Variants in SNTG2 observed in about 807,000 individuals in gnomAD.
SNTG2 encodes gamma-2-syntrophin.
SNTG2 carries 74 observed loss-of-function variants against 70.9 expected under a neutral mutation model. That is an observed-to-expected ratio of 1.04 (90% CI 0.86 to 1.27). The LOEUF (loss-of-function observed/expected upper bound fraction) is 1.27, where lower values mean the gene tolerates loss of function less well. Ranked by LOEUF, SNTG2 falls within the 50% of genes most tolerant of loss-of-function variation. The probability of loss-of-function intolerance (pLI) is 0.00; values close to 1 mark genes in which losing one functional copy is unlikely to be tolerated. For synonymous variants in SNTG2, 278 were observed against 273.8 expected (o/e 1.02, Z -0.15); for missense variants, 717 against 690.7 (o/e 1.04, Z -0.43).
chr2:1,201,064 G>T (rs1673246485), intron 8 of SNTG2, among the ~76,000 whole-genome samples: 2 of 151,814 alleles, frequency 1.3e-5, no homozygotes, highest in Admixed American at 1.3e-4. Context: ...TGAAAGGAAA[G>T]GAAATCAGTA....
chr2:983,027 C>T, intron 1 of SNTG2, among the ~76,000 whole-genome samples: 1 of 149,174 alleles, frequency 6.7e-6, no homozygotes, highest in South Asian at 2.2e-4. Context: ...GAGGTGATGT[C>T]AGGATGAAGA....
chr2:1,040,581 A>C (rs756069189), intron 1 of SNTG2, among the ~76,000 whole-genome samples: 8 of 152,222 alleles, frequency 5.3e-5, no homozygotes, highest in Non-Finnish European at 1.2e-4. Context: ...CGAAATCCAC[A>C]TTGATCTACC....
chr2:1,130,129 G>C (rs1433573995), intron 4 of SNTG2, among the ~76,000 whole-genome samples: 1 of 152,156 alleles, frequency 6.6e-6, no homozygotes, highest in South Asian at 2.1e-4. Context: ...TATGAGCAAT[G>C]AAAGTATTTC....
intron 1 of SNTG2, among the ~76,000 whole-genome samples, chr2:992,082 G>A (rs931911210): frequency 5.9e-5 from 9 of 152,050 alleles, no homozygotes; most frequent in South Asian, 2.1e-4. Flanking sequence ...TGAGGCATGC[G>A]AAGCAGATAA....
chr2:1,078,193 C>T (rs1180939337), intron 1 of SNTG2, among the ~76,000 whole-genome samples: 3 of 152,184 alleles, frequency 2.0e-5, no homozygotes, highest in African/African-American at 7.2e-5. Context: ...ATATGCCAGG[C>T]TGGGCTGTAG....
At position 1,183,847 on chromosome 2, in the gene SNTG2, A is replaced by T. The variant is rs184706397; in HGVS notation, c.591+10664A>T. ...TCAAAAGAGGAAAGAAGTAAGCATTAAAAAAAGAGTTTTTCCATGTATATC... is the reference window on the plus strand; with the variant it reads ...TCAAAAGAGGAAAGAAGTAAGCATTTAAAAAAGAGTTTTTCCATGTATATC... On this transcript the variant is annotated intron_variant, in intron 8 of 16. Coordinates refer to ENST00000308624, the MANE Select transcript of SNTG2 (RefSeq NM_018968.4). Among the ~76,000 whole-genome samples the T allele has an allele frequency of 1.9e-3, 294 of 152,312 alleles. 2 individuals carry two copies. Among genetic ancestry groups the T allele is most frequent in the Non-Finnish European group, 3.5e-3 (235 of 68,028 alleles).
At chr2:1,354,852 G>A (rs987854706) in intron 16 of SNTG2, among the ~76,000 whole-genome samples, 1 of 152,234 alleles carries the variant, frequency 6.6e-6, no homozygotes, top group Non-Finnish European at 1.5e-5. Context: ...CTTTACAGCA[G>A]GTTAAAATCT....
intron 2 of SNTG2, among the ~76,000 whole-genome samples, chr2:1,087,314 G>T (rs61469034): frequency 6.6e-6 from 1 of 152,220 alleles, no homozygotes; most frequent in East Asian, 1.9e-4. Context: ...AGAAGAGTTC[G>T]TGTAGCATGG....
intron 6 of SNTG2, chr2:1,161,626 T>C (rs1670283378): frequency 6.6e-6 from 1 of 152,236 alleles, no homozygotes; most frequent in Non-Finnish European, 1.5e-5. Context: ...ATACACCACA[T>C]ATATGCTTCA....
At chr2:1,163,017 C>T (rs1370853829) in intron 6 of SNTG2, among the ~76,000 whole-genome samples, 1 of 152,178 alleles carries the variant, frequency 6.6e-6, no homozygotes, top group Non-Finnish European at 1.5e-5. Flanking sequence ...CTATGGGGGC[C>T]CAGCCTGTGG....
intron 6 of SNTG2, among the ~76,000 whole-genome samples, chr2:1,154,161 G>A (rs866634443): frequency 4.6e-5 from 7 of 152,154 alleles, no homozygotes; most frequent in African/African-American, 1.7e-4. Context: ...GAAAGGGCGC[G>A]GGCGGGGAGA....
rs1330160854 is a variant in SNTG2, at chr2:1,111,722, TAGAG to T, written c.325+13316_325+13319del. 6.6e-5 allele frequency among the ~76,000 whole-genome samples: 10 copies of T among 152,366 alleles called. No individual in the cohort carries two copies. In the East Asian group the frequency reaches 1.7e-3, roughly 26 times the overall value. On this transcript the variant is annotated intron_variant, in intron 4 of 16. Transcript: ENST00000308624. The stretch of plus-strand genomic sequence containing the variant: ...TGATAAATAATCTCCCAAGGCCACT[TAGAG>T]AGACTCCCTGAGAAGAATCGTGTGT...
intron 6 of SNTG2, chr2:1,161,346 A>G (rs1670260334): frequency 6.7e-6 from 1 of 149,116 alleles, no homozygotes; most frequent in East Asian, 2.0e-4. Context: ...TGCACAAAAA[A>G]GCTGCTTTTA....
intron 8 of SNTG2, among the ~76,000 whole-genome samples, chr2:1,203,675 T>A (rs28714371): frequency 0.021 from 1,310 of 62,056 alleles, 15 homozygotes; most frequent in East Asian, 0.15. Flanking sequence ...AAAAAAAAAA[T>A]ATATATATAT....
At chr2:1,135,912 A>G (rs7584307) in intron 4 of SNTG2, among the ~76,000 whole-genome samples, 58,586 of 152,036 alleles carry the variant, frequency 0.39, 12,368 homozygotes, top group Non-Finnish European at 0.48. Flanking sequence ...CCTTATCCCT[A>G]TACTGTTAGA....
intron 14 of SNTG2, among the ~76,000 whole-genome samples, chr2:1,286,278 G>T (rs940624674): frequency 6.6e-6 from 1 of 152,202 alleles, no homozygotes. Context: ...TTGGACCCGT[G>T]AATCCTGGCT....
chr2:1,008,276 G>GT (rs1659629911), intron 1 of SNTG2, among the ~76,000 whole-genome samples: 1 of 152,152 alleles, frequency 6.6e-6, no homozygotes. Flanking sequence ...ATGTGTGTTT[G>GT]TAACACTCAC....
intron 10 of SNTG2, among the ~76,000 whole-genome samples, chr2:1,239,032 C>G (rs569900320): frequency 1.3e-5 from 2 of 152,312 alleles, no homozygotes; most frequent in African/African-American, 4.8e-5. Flanking sequence ...AAGGAAGTAC[C>G]AGGACCTTCC....
intron 9 of SNTG2, among the ~76,000 whole-genome samples, chr2:1,229,839 C>T (rs999022443): frequency 2.0e-5 from 3 of 152,242 alleles, no homozygotes; most frequent in South Asian, 2.1e-4. Flanking sequence ...GCCGCTGGCC[C>T]GGGTGCTAAG....
Sources: allele counts gnomAD v4.1 joint callset (sites outside exome capture counted in the v4.1 genomes callset), GRCh38; gene constraint gnomAD v4.1.1; transcripts MANE v1.5; gene names NCBI Gene and HGNC (gene_info 2026-07-23, HGNC 2026-07-21).